The following XAF1 variants were observed in gnomAD, a reference collection of about 807,000 sequenced individuals.
The protein encoded by XAF1 is XIAP associated factor 1, also known as XIAP-associated factor 1.
Under a neutral mutation model 32.3 loss-of-function variants are expected in XAF1, and 32 were observed. The observed-to-expected ratio is 0.99, with a 90% CI of 0.75 to 1.33. The LOEUF is 1.33. Ranked by LOEUF, XAF1 falls within the 40% of genes most tolerant of loss-of-function variation. The pLI is 0.00. For synonymous variants in XAF1, 120 were observed against 125.9 expected (o/e 0.95, Z 0.31); for missense variants, 379 against 366.0 (o/e 1.04, Z -0.29).
intron 6 of XAF1, 55 bp downstream of exon 6, chr17:6,771,039 TA>T (rs1975999735): frequency 6.4e-7 from 1 of 1,560,474 alleles, no homozygotes; most frequent in African/African-American, 1.4e-5. Context: ...CACAGTGTCT[TA>T]AAAAAATCCA....
chr17:6,759,850 G>C (rs1162208403), intron 3 of XAF1, 132 bp downstream of exon 3: 1 of 1,504,184 alleles, frequency 6.6e-7, no homozygotes, highest in Admixed American at 1.8e-5. Flanking sequence ...GGCTTGGAGA[G>C]CAGTGGAGAA....
At chr17:6,771,041 A>C in intron 6 of XAF1, 57 bp downstream of exon 6, 1 of 1,558,646 alleles carries the variant, frequency 6.4e-7, no homozygotes, top group Non-Finnish European at 8.7e-7. Flanking sequence ...CAGTGTCTTA[A>C]AAAAATCCAA....
At chr17:6,769,586 C>G (rs79049220) in intron 5 of XAF1, among the ~76,000 whole-genome samples, 1 of 152,064 alleles carries the variant, frequency 6.6e-6, no homozygotes, top group Admixed American at 6.5e-5. Flanking sequence ...GTGTCTGTGA[C>G]TCTTACTCAA....
At chr17:6,760,348 A>AAG in intron 3 of XAF1, 58 bp from the exon 4 acceptor site, 2 of 195,244 alleles carry the variant, frequency 1.0e-5, no homozygotes, top group Non-Finnish European at 1.4e-5. Context: ...ACTCTGTCTC[A>AAG]AAAAAAAAAA....
At chr17:6,759,351 C>CT (rs1341916037) in intron 2 of XAF1, 1 of 1,338,230 alleles carries the variant, frequency 7.5e-7, no homozygotes, top group African/African-American at 1.5e-5. Flanking sequence ...AAGGAAGGTC[C>CT]TGGAAGGCAG....
intron 5 of XAF1, among the ~76,000 whole-genome samples, chr17:6,767,775 C>T (rs1436479909): frequency 3.4e-5 from 5 of 147,782 alleles, no homozygotes; most frequent in African/African-American, 1.3e-4. Flanking sequence ...TTGCTTCTCC[C>T]TTGTATTCTA....
chr17:6,761,464 T>C (rs1189468750), intron 4 of XAF1, among the ~76,000 whole-genome samples: 2 of 152,200 alleles, frequency 1.3e-5, no homozygotes, highest in African/African-American at 4.8e-5. Flanking sequence ...CTCACCTCTT[T>C]ATGAGGGTGT....
chr17:6,768,891 A>C (rs1286138256), intron 5 of XAF1, among the ~76,000 whole-genome samples: 2 of 152,150 alleles, frequency 1.3e-5, no homozygotes, highest in Non-Finnish European at 2.9e-5. Flanking sequence ...CCTTAATATA[A>C]AGATTTATGT....
At chr17:6,756,218 C>G in intron 1 of XAF1, 108 bp downstream of exon 1, 1 of 1,546,618 alleles carries the variant, frequency 6.5e-7, no homozygotes, top group African/African-American at 1.4e-5. Flanking sequence ...CATAAGAACA[C>G]TTAGGAGGAC....
chr17:6,773,107 T>G lies in XAF1; in HGVS notation c.850-6T>G. 1 of 1,602,376 alleles carries G rather than the reference T, an allele frequency of 6.2e-7. No homozygotes were observed. The highest frequency in any genetic ancestry group is 8.5e-7 in the Non-Finnish European group (1 of 1,176,794). ...ATATCAAACTTTTTTTATATCCATT[T>G]CTTAGGAGAAATGCCGGTGGTTAGC... On this transcript the variant is annotated splice_region_variant and splice_polypyrimidine_tract_variant and intron_variant, in intron 6 of 6. Coordinates refer to ENST00000361842, the MANE Select transcript of XAF1 (RefSeq NM_017523.5).
rs1975286337 is a variant in XAF1 at position 6,762,347 on chromosome 17, T to C, written c.507+107T>C. 8.9e-6 allele frequency: 8 copies of C among 898,314 alleles called. No homozygotes were observed. In the South Asian group the frequency reaches 1.2e-4, roughly 14 times the overall value. The allele number at this position is 898,314 out of a possible 1,614,324, so 55.6% of individuals were successfully genotyped here. ...GGCCCAATTTTACATAGCATGGATA[T>C]TAAAGGGTCCCATATTTATTTTTTG... On this transcript the variant is annotated intron_variant, in intron 5 of 6. Transcript: ENST00000361842.
At chr17:6,765,137 G>T (rs1975504578) in intron 5 of XAF1, among the ~76,000 whole-genome samples, 1 of 152,140 alleles carries the variant, frequency 6.6e-6, no homozygotes, top group Non-Finnish European at 1.5e-5. Flanking sequence ...TGTAAGGCCG[G>T]GTATGGTGGC....
At chr17:6,763,322 C>A (rs745314046) in intron 5 of XAF1, among the ~76,000 whole-genome samples, 1 of 151,954 alleles carries the variant, frequency 6.6e-6, no homozygotes, top group Non-Finnish European at 1.5e-5. Context: ...CTTTTAATGG[C>A]CTTTTCTTTT....
intron 6 of XAF1, chr17:6,771,262 A>T: frequency 2.9e-6 from 1 of 348,812 alleles, no homozygotes; most frequent in African/African-American, 2.1e-5. Flanking sequence ...TAGGCCAGGG[A>T]TTGATTTGGA....
intron 2 of XAF1, chr17:6,759,154 C>T (rs773723929): frequency 7.9e-6 from 8 of 1,015,514 alleles, no homozygotes; most frequent in Non-Finnish European, 8.3e-6. Flanking sequence ...AGTCATTTAG[C>T]CCCTCCACAC....
chr17:6,762,346 AT>A, intron 5 of XAF1, 106 bp downstream of exon 5: 1 of 901,812 alleles, frequency 1.1e-6, no homozygotes, highest in Non-Finnish European at 1.6e-6. Context: ...TAGCATGGAT[AT>A]TAAAGGGTCC....
chr17:6,756,953 C>T (rs950049710), intron 1 of XAF1, among the ~76,000 whole-genome samples: 1 of 151,832 alleles, frequency 6.6e-6, no homozygotes, highest in South Asian at 2.1e-4. Flanking sequence ...CAAGCAAGAG[C>T]TGATGGAAAT....
rs1567652721 is a variant in XAF1, at chr17:6,762,216, A to G, written c.483A>G (p.Pro161=). 6.2e-7 allele frequency: 1 copy of G among 1,613,284 alleles called. No individual in the cohort carries two copies. Among genetic ancestry groups the G allele is most frequent in the East Asian group, 2.2e-5 (1 of 44,876 alleles). The part of the protein sequence containing the change: ...IYCHYCNQMI[P]ENKYFHHMGK... The stretch of plus-strand genomic sequence containing the variant: ...GTCATTATTGCAACCAAATGATTCC[A>G]GAAAATAAGTATTTCCACCATATGG... Residue 161 remains proline, a synonymous_variant, in exon 5 of 7, where the codon CCA becomes CCG. Transcript: ENST00000361842.
At chr17:6,756,038 C>A (rs761292537), upstream of XAF1, 1 of 1,613,480 alleles carries the variant, frequency 6.2e-7, no homozygotes, top group Admixed American at 1.7e-5. Context: ...TCCTTGCCTG[C>A]AAGAAACGAA....
Sources: allele counts gnomAD v4.1 joint callset (sites outside exome capture counted in the v4.1 genomes callset), GRCh38; gene constraint gnomAD v4.1.1; transcripts MANE v1.5; gene names NCBI Gene and HGNC (gene_info 2026-07-23, HGNC 2026-07-21).